Variants in FKBP1B observed in about 807,000 individuals in gnomAD.
FKBP1B encodes FKBP prolyl isomerase 1B.
Under a neutral mutation model 13.5 loss-of-function variants are expected in FKBP1B, and 4 were observed. The ratio of observed to expected loss-of-function variants is 0.30; its 90% CI spans 0.15 to 0.68. The LOEUF is 0.68. Among genes scored for constraint, FKBP1B ranks in the 30% least tolerant of loss-of-function variants. FKBP1B has a pLI of 0.76. For synonymous variants in FKBP1B, 54 were observed against 53.6 expected, an observed-to-expected ratio of 1.01 and a Z score of -0.03; for missense variants, 93 against 136.2, an observed-to-expected ratio of 0.68 and a Z score of 1.58.
chr2:24,039,637 G>T, the FKBP1B span: 2 of 754,344 alleles, frequency 2.7e-6, no homozygotes, highest in South Asian at 3.8e-5. Context: ...AAAAGGACAG[G>T]GGGAGTATTA....
chr2:24,062,347 T>G (rs1187890791), intron 3 of FKBP1B, among the ~76,000 whole-genome samples: 1 of 151,926 alleles, frequency 6.6e-6, no homozygotes, highest in African/African-American at 2.4e-5. Flanking sequence ...CCTGGCTAAT[T>G]TTTGTATTTT....
chr2:24,063,426 T>A lies in FKBP1B; in HGVS notation c.*234T>A. 1 of 494,562 alleles carries A rather than the reference T, an allele frequency of 2.0e-6. No individual in the cohort carries two copies. The highest frequency in any genetic ancestry group is 3.3e-5 in the South Asian group (1 of 30,766). 30.6% of individuals were successfully genotyped at this position (494,562 alleles called of 1,614,324 possible). On this transcript the variant is annotated 3_prime_UTR_variant, in exon 4 of 4. Transcript: ENST00000380986. ...GATTGAAGCATTTCAGGTTGTGCAT[T>A]TTGTGTGATGCATGTAGTAGCCTTT...
At chr2:24,059,287 G>A (rs938600801) in intron 2 of FKBP1B, among the ~76,000 whole-genome samples, 15 of 152,018 alleles carry the variant, frequency 9.9e-5, no homozygotes, top group Non-Finnish European at 1.5e-5. Flanking sequence ...GCCTTGGGCT[G>A]CTGGACTGAG....
the FKBP1B span, chr2:24,039,385 G>A: frequency 1.2e-6 from 2 of 1,614,282 alleles, no homozygotes; most frequent in Non-Finnish European, 1.7e-6. Context: ...CCGCAAATCA[G>A]TTAGGACAAC....
upstream of FKBP1B, among the ~76,000 whole-genome samples, chr2:24,045,631 G>GGAAGGAAGGAAGGAAGGA (rs367897717): frequency 2.8e-5 from 3 of 106,122 alleles, no homozygotes; most frequent in African/African-American, 4.8e-5. Flanking sequence ...GAGAGAGAGA[G>GGAAGGAAGGAAGGAAGGA]AGGAAGGAAG....
At chr2:24,043,852 T>C in the FKBP1B span, among the ~76,000 whole-genome samples, 1 of 152,046 alleles carries the variant, frequency 6.6e-6, no homozygotes, top group South Asian at 2.1e-4. Flanking sequence ...GCATATCTCC[T>C]TGCTAGCTTT....
chr2:24,048,874 G>A (rs952126924), upstream of FKBP1B, among the ~76,000 whole-genome samples: 1 of 152,142 alleles, frequency 6.6e-6, no homozygotes, highest in Non-Finnish European at 1.5e-5. Flanking sequence ...TTAGTACCTG[G>A]AAGACAGCCA....
upstream of FKBP1B, among the ~76,000 whole-genome samples, chr2:24,046,354 G>A (rs529917974): frequency 3.3e-5 from 5 of 152,256 alleles, no homozygotes; most frequent in South Asian, 6.2e-4. Flanking sequence ...ATTCCCCAAC[G>A]CTACTGATTT....
At chr2:24,039,893 G>A in the FKBP1B span, among the ~76,000 whole-genome samples, 1 of 152,062 alleles carries the variant, frequency 6.6e-6, no homozygotes, top group Non-Finnish European at 1.5e-5. Context: ...TGCCTCCTGG[G>A]TTCAAGCGAT....
intron 2 of FKBP1B, 131 bp downstream of exon 2, chr2:24,054,080 C>T: frequency 1.2e-6 from 1 of 842,310 alleles, no homozygotes; most frequent in Middle Eastern, 2.2e-4. Context: ...CTCCCTGTGA[C>T]CAGCCATCCT....
the FKBP1B span, among the ~76,000 whole-genome samples, chr2:24,041,969 A>G: frequency 6.6e-6 from 1 of 152,198 alleles, no homozygotes; most frequent in Admixed American, 6.5e-5. Flanking sequence ...AACATAAAAA[A>G]TACTATTTAA....
the FKBP1B span, chr2:24,037,885 AGTGTGCTGGTGTGGTCTG>A: frequency 4.0e-5 from 64 of 1,614,050 alleles, 1 homozygote; most frequent in East Asian, 1.4e-3. Flanking sequence ...AGGAGGCTCC[AGTGTGCTGGTGTGGTCTG>A]GTGTGCTGCT....
chr2:24,049,920 G>C, intron 1 of FKBP1B, 34 bp downstream of exon 1: 1 of 1,382,404 alleles, frequency 7.2e-7, no homozygotes. Flanking sequence ...GGGGAGGGGA[G>C]GGGTCCCGGG....
chr2:24,060,160 A>G (rs1333955434), intron 2 of FKBP1B, among the ~76,000 whole-genome samples: 4 of 152,198 alleles, frequency 2.6e-5, no homozygotes, highest in African/African-American at 9.6e-5. Flanking sequence ...CAAGTGGACA[A>G]TGAAATGGAG....
chr2:24,060,551 CAAATAAAT>C (rs926442907), intron 2 of FKBP1B, among the ~76,000 whole-genome samples: 25 of 151,718 alleles, frequency 1.6e-4, no homozygotes, highest in African/African-American at 4.1e-4. Context: ...GATTCTGTCT[CAAATAAAT>C]AAATAAATAA....
chr2:24,058,035 A>G (rs933763862), intron 2 of FKBP1B, among the ~76,000 whole-genome samples: 1 of 151,888 alleles, frequency 6.6e-6, no homozygotes, highest in Admixed American at 6.5e-5. Context: ...TGTCTCTACT[A>G]AAAATACAAA....
At chr2:24,055,986 GGTTTT>G (rs1664105939) in intron 2 of FKBP1B, among the ~76,000 whole-genome samples, 2 of 152,104 alleles carry the variant, frequency 1.3e-5, no homozygotes, top group South Asian at 4.2e-4. Flanking sequence ...GTCAGGTTTT[GGTTTT>G]GTTTTGTTTT....
chr2:24,038,400 C>G, the FKBP1B span: 1 of 1,614,146 alleles, frequency 6.2e-7, no homozygotes, highest in South Asian at 1.1e-5. Context: ...CAGAGTAGAT[C>G]AAAATTATAT....
chr2:24,041,880 A>G, the FKBP1B span, among the ~76,000 whole-genome samples: 1 of 141,556 alleles, frequency 7.1e-6, no homozygotes, highest in Non-Finnish European at 1.5e-5. Flanking sequence ...AAAAAAAAAA[A>G]AGATACATAT....
Sources: allele counts gnomAD v4.1 joint callset (sites outside exome capture counted in the v4.1 genomes callset), GRCh38; gene constraint gnomAD v4.1.1; transcripts MANE v1.5; gene names NCBI Gene and HGNC (gene_info 2026-07-23, HGNC 2026-07-21).